Variants in ERC1 observed in about 807,000 individuals in gnomAD.
ERC1 encodes RAB6 interacting protein 2.
A neutral mutation model predicts 132.0 loss-of-function variants in ERC1; 56 were observed. The observed-to-expected ratio is 0.42, with a 90% confidence interval of 0.34 to 0.53. The LOEUF (loss-of-function observed/expected upper bound fraction) is 0.53. Ranked by LOEUF, ERC1 falls within the 20% of genes least tolerant of loss-of-function variation. The pLI is 0.03. For missense variants in ERC1, 1,202 were observed against 1,349.9 expected, an observed-to-expected ratio of 0.89 and a Z score of 1.72; for synonymous variants, 478 against 476.1, an observed-to-expected ratio of 1.00 and a Z score of -0.05.
intron 3 of ERC1, among the ~76,000 whole-genome samples, chr12:1,092,039 C>T (rs1360077427): frequency 1.4e-5 from 2 of 146,192 alleles, no homozygotes; most frequent in East Asian, 2.0e-4. Context: ...CGCTCTGTTG[C>T]CCAGGCTGGA....
intron 17 of ERC1, among the ~76,000 whole-genome samples, chr12:1,441,493 A>G (rs1407953644): frequency 6.6e-6 from 1 of 152,174 alleles, no homozygotes; most frequent in Non-Finnish European, 1.5e-5. Flanking sequence ...CAATATGACC[A>G]TTTATCACAT....
At chr12:1,166,850 A>T (rs1265785180) in intron 8 of ERC1, among the ~76,000 whole-genome samples, 1 of 152,236 alleles carries the variant, frequency 6.6e-6, no homozygotes, top group Non-Finnish European at 1.5e-5. Flanking sequence ...TAGCCTTTGG[A>T]TAAATGCTTA....
At chr12:990,596 G>A (rs1465318776), upstream of ERC1, 1 of 152,276 alleles carries the variant, frequency 6.6e-6, no homozygotes, top group African/African-American at 2.4e-5. Context: ...GGGGTCCTCG[G>A]CGATGCCCGT....
At chr12:1,453,035 C>T (rs1031938874) in intron 18 of ERC1, among the ~76,000 whole-genome samples, 6 of 152,138 alleles carry the variant, frequency 3.9e-5, no homozygotes, top group Non-Finnish European at 5.9e-5. Flanking sequence ...ATGCCTGCAC[C>T]GCAGAGGGCC....
intron 17 of ERC1, among the ~76,000 whole-genome samples, chr12:1,418,657 C>G (rs1334975362): frequency 8.1e-6 from 1 of 122,934 alleles, no homozygotes; most frequent in African/African-American, 3.3e-5. Flanking sequence ...CTCTCTCTCT[C>G]TCTCTTTCTT....
At chr12:1,439,535 A>G (rs967975473) in intron 17 of ERC1, among the ~76,000 whole-genome samples, 1 of 152,216 alleles carries the variant, frequency 6.6e-6, no homozygotes, top group Non-Finnish European at 1.5e-5. Context: ...AATTTCCTCA[A>G]CAATTTTGTA....
At chr12:1,322,447 A>G (rs2082177660) in intron 15 of ERC1, among the ~76,000 whole-genome samples, 1 of 152,192 alleles carries the variant, frequency 6.6e-6, no homozygotes, top group Non-Finnish European at 1.5e-5. Context: ...AGCAGCATCC[A>G]TAGTAATTTA....
At chr12:1,334,809 A>G (rs1383228935) in intron 15 of ERC1, among the ~76,000 whole-genome samples, 5 of 152,116 alleles carry the variant, frequency 3.3e-5, no homozygotes, top group Non-Finnish European at 7.3e-5. Context: ...AAATCTATAA[A>G]TTGCTTTGTT....
chr12:1,493,548 A>AAAAT lies in ERC1; in HGVS notation c.*3319_*3320insAATA, dbSNP rs56939346. ...ACTCCATTTAAAAAAAAAAAAAAAA[A>AAAAT]ATATATATATATATATATATATATA... On this transcript the variant is annotated 3_prime_UTR_variant, in exon 19 of 19. Transcript: ENST00000360905. The AAAAT allele has an allele frequency of 7.3e-5, 1 of 13,622 alleles. No homozygotes were observed. Among genetic ancestry groups the AAAAT allele is most frequent in the African/African-American group, 2.2e-4 (1 of 4,564 alleles). 0.8% of individuals were successfully genotyped at this position (13,622 alleles called of 1,614,324 possible).
At position 1,218,318 on chromosome 12, in the gene ERC1, T is replaced by G. The variant is rs933829410; in HGVS notation, c.2352-18451T>G. 2.0e-5 allele frequency among the ~76,000 whole-genome samples: 3 copies of G among 152,130 alleles called. No individual in the cohort carries two copies. The East Asian group carries it at 5.8e-4, about 29-fold the overall frequency. ...ACCTAAAGATGCTTCTCCCTCATTA[T>G]CCTTCTCCCTCCTTTCAAATTTTTG... is the stretch of plus-strand genomic sequence containing the variant. On this transcript the variant is annotated intron_variant, in intron 12 of 18. Transcript: ENST00000360905.
chr12:1,321,269 G>T (rs1399303966), intron 15 of ERC1, among the ~76,000 whole-genome samples: 2 of 152,140 alleles, frequency 1.3e-5, no homozygotes, highest in East Asian at 3.8e-4. Context: ...AGTATTATGA[G>T]AATTAAATGC....
intron 2 of ERC1, among the ~76,000 whole-genome samples, chr12:1,075,555 G>T (rs778438552): frequency 6.6e-6 from 1 of 152,080 alleles, no homozygotes; most frequent in African/African-American, 2.4e-5. Context: ...GCCAGGCGTG[G>T]TGGTGCTCAC....
intron 7 of ERC1, among the ~76,000 whole-genome samples, chr12:1,126,250 A>G (rs964920362): frequency 6.6e-6 from 1 of 152,242 alleles, no homozygotes; most frequent in Non-Finnish European, 1.5e-5. Context: ...ATGAAAATAC[A>G]GAGTCATAAA....
chr12:1,275,095 A>G (rs1347381957), intron 14 of ERC1, among the ~76,000 whole-genome samples: 1 of 152,168 alleles, frequency 6.6e-6, no homozygotes, highest in Non-Finnish European at 1.5e-5. Flanking sequence ...AATATATAGG[A>G]TAGTCATGTT....
chr12:1,028,476 C>T lies in ERC1; in HGVS notation c.573C>T (p.Ser191=), dbSNP rs1967288816. ...TGAATAGCATCAAGACCTTCTGGAG[C>T]CCAGAGCTGAAGAAGGAACGAGCCC... is the stretch of plus-strand genomic sequence containing the variant. The part of the protein sequence containing the change: ...SSMNSIKTFW[S]PELKKERALR... The change falls in exon 2 of 19, where the codon AGC becomes AGT. Residue 191 remains serine (S), a synonymous_variant. Coordinates refer to ENST00000360905, the MANE Select transcript of ERC1 (RefSeq NM_178040.4). The T allele has an allele frequency of 3.7e-6, 6 of 1,613,890 alleles. No homozygotes were observed. The highest frequency in any genetic ancestry group is 3.4e-6 in the Non-Finnish European group (4 of 1,179,978).
Position 1,189,949 on chromosome 12 carries a change from G to C in ERC1, c.2248G>C (p.Glu750Gln). ...GAGAGAGATCACCAGGTACAAAGAT[G>C]AATCTAGCAAGGCCCAGGCAGAAGT... ...LEREITRYKD[E>Q]SSKAQAEVDR... Residue 750 changes from glutamate (E) to glutamine (Q), a missense_variant, in exon 12 of 19, where the codon GAA becomes CAA. Glu to Gln is a conservative substitution (Grantham distance 29). Coordinates refer to ENST00000360905, the MANE Select transcript of ERC1 (RefSeq NM_178040.4). The C allele has an allele frequency of 6.2e-7, 1 of 1,614,090 alleles. No individual in the cohort carries two copies. Among genetic ancestry groups the C allele is most frequent in the Non-Finnish European group, 8.5e-7 (1 of 1,179,976 alleles).
At chr12:1,299,337 C>T (rs10734998) in intron 15 of ERC1, among the ~76,000 whole-genome samples, 147,609 of 152,310 alleles carry the variant, frequency 0.97, 71,567 homozygotes, top group East Asian at 1. Flanking sequence ...TCTCTAACCA[C>T]AGTAGAATTC....
At chr12:1,359,118 G>A (rs1837742164) in intron 15 of ERC1, among the ~76,000 whole-genome samples, 1 of 152,148 alleles carries the variant, frequency 6.6e-6, no homozygotes, top group Admixed American at 6.5e-5. Flanking sequence ...TGACCAAGGT[G>A]GGGAAAGAAA....
At chr12:1,017,195 C>T (rs1198692856) in intron 1 of ERC1, among the ~76,000 whole-genome samples, 1 of 151,928 alleles carries the variant, frequency 6.6e-6, no homozygotes, top group Non-Finnish European at 1.5e-5. Context: ...CGGGGTTTCA[C>T]CATGCTGGTC....
Sources: gnomAD v4.1 joint callset for allele counts (sites outside exome capture counted in the v4.1 genomes callset) on GRCh38, gnomAD v4.1.1 for gene constraint, MANE v1.5 for transcripts, NCBI Gene and HGNC (gene_info 2026-07-23, HGNC 2026-07-21) for gene names.